The following PLEKHA6 variants were observed in gnomAD, a reference collection of about 807,000 sequenced individuals.
PLEKHA6 encodes pleckstrin homology domain-containing family A member 6.
In PLEKHA6, 60 loss-of-function variants were observed where a neutral mutation model predicts 116.7. That is an observed-to-expected ratio of 0.51 (90% CI 0.42 to 0.64). PLEKHA6 has a LOEUF of 0.64. Among genes scored for constraint, PLEKHA6 ranks in the 30% least tolerant of loss-of-function variants. The pLI is 0.00. For missense variants in PLEKHA6, 1,338 were observed against 1,422.7 expected, an observed-to-expected ratio of 0.94 and a Z score of 0.96; for synonymous variants, 489 against 556.1, an observed-to-expected ratio of 0.88 and a Z score of 1.70.
At chr1:204,334,513 A>G (rs1344905424) in intron 1 of PLEKHA6, among the ~76,000 whole-genome samples, 1 of 152,206 alleles carries the variant, frequency 6.6e-6, no homozygotes, top group Non-Finnish European at 1.5e-5. Flanking sequence ...GGTTTGATAC[A>G]TGTATACATT....
chr1:204,282,934 G>T, intron 1 of PLEKHA6: 1 of 307,402 alleles, frequency 3.3e-6, no homozygotes, highest in Non-Finnish European at 4.8e-6. Context: ...TCGCCTCCAA[G>T]TTGCCTTCTC....
intron 1 of PLEKHA6, among the ~76,000 whole-genome samples, chr1:204,282,422 C>T (rs1412936605): frequency 2.0e-5 from 3 of 152,156 alleles, no homozygotes; most frequent in Non-Finnish European, 2.9e-5. Flanking sequence ...TACTGAAGCT[C>T]TTCCATGTTG....
At chr1:204,329,888 C>CAAAAAAAAAAAAAAAA (rs35574473) in intron 1 of PLEKHA6, among the ~76,000 whole-genome samples, 2 of 118,426 alleles carry the variant, frequency 1.7e-5, no homozygotes, top group African/African-American at 6.4e-5. Flanking sequence ...GACCCTGTCT[C>CAAAAAAAAAAAAAAAA]AAAAAAAAAA....
At chr1:204,350,338 T>TA (rs996417116) in intron 1 of PLEKHA6, among the ~76,000 whole-genome samples, 1 of 151,992 alleles carries the variant, frequency 6.6e-6, no homozygotes, top group African/African-American at 2.4e-5. Flanking sequence ...AAAACAAAAA[T>TA]AAAAAAACCT....
intron 1 of PLEKHA6, among the ~76,000 whole-genome samples, chr1:204,309,386 A>G (rs1671570862): frequency 3.3e-5 from 5 of 152,236 alleles, no homozygotes; most frequent in Admixed American, 1.3e-4. Flanking sequence ...CGTTCTGGTC[A>G]ACGATGGACC....
chr1:204,364,679 G>A (rs1005385580), upstream of PLEKHA6, among the ~76,000 whole-genome samples: 6 of 152,192 alleles, frequency 3.9e-5, no homozygotes, highest in East Asian at 1.9e-4. Flanking sequence ...CTGTGTCTCC[G>A]GACTTTACGA....
intron 1 of PLEKHA6, among the ~76,000 whole-genome samples, chr1:204,279,633 G>A (rs1306262923): frequency 6.6e-6 from 1 of 152,198 alleles, no homozygotes; most frequent in East Asian, 1.9e-4. Context: ...AGGAGATTGT[G>A]CGGTGGAGGT....
At chr1:204,329,871 A>C (rs1672384839) in intron 1 of PLEKHA6, among the ~76,000 whole-genome samples, 7 of 150,410 alleles carry the variant, frequency 4.7e-5, no homozygotes, top group Admixed American at 4.6e-4. Flanking sequence ...CCTGGGTAAC[A>C]AAGTGAGACC....
Position 204,274,817 on chromosome 1 carries a change from G to C in PLEKHA6, c.-94-8C>G, listed in dbSNP as rs1272839322. The C allele has an allele frequency of 1.3e-4, 124 of 985,720 alleles. No individual in the cohort carries two copies. The highest frequency in any genetic ancestry group is 1.4e-4 in the Non-Finnish European group (117 of 829,914). 61.1% of individuals were successfully genotyped at this position (985,720 alleles called of 1,614,324 possible). On this transcript the variant is annotated splice_region_variant and splice_polypyrimidine_tract_variant and intron_variant, in intron 1 of 22. Transcript: ENST00000272203. ...TTCCGTCTTTCATTGTGGCTGTAGAGGGAAAAACAGAAGAGTTGTGGTAAA... is the reference window on the plus strand; with the variant it reads ...TTCCGTCTTTCATTGTGGCTGTAGACGGAAAAACAGAAGAGTTGTGGTAAA...
In PLEKHA6 at chr1:204,327,085, C is replaced by G. The variant is rs1672269679; in HGVS notation, c.-95+32609G>C. 4 of 805,796 alleles carry G rather than the reference C, an allele frequency of 5.0e-6. No homozygotes were observed. The African/African-American group carries it at 7.4e-5, about 15-fold the overall frequency. 49.9% of individuals were successfully genotyped at this position (805,796 alleles called of 1,614,324 possible). A position where few individuals can be genotyped will look rare whatever the true frequency, so the allele number is the denominator to read the frequency against. On this transcript the variant is annotated intron_variant, in intron 1 of 22. Coordinates refer to ENST00000272203, the MANE Select transcript of PLEKHA6 (RefSeq NM_014935.5). ...CTCCTCCTCCTCCTGGGATAGAAAC[C>G]CTGCCACTCTCTGCTCACATGCTTG... is the stretch of plus-strand genomic sequence containing the variant.
At chr1:204,224,691 C>G (rs146892040) in intron 21 of PLEKHA6, among the ~76,000 whole-genome samples, 54 of 152,374 alleles carry the variant, frequency 3.5e-4, no homozygotes, top group Non-Finnish European at 3.8e-4. Context: ...TATCATTACA[C>G]TCATCGCACA....
Position 204,219,122 on chromosome 1 carries a change from T to C in PLEKHA6, c.*3666A>G, listed in dbSNP as rs1013244531. On this transcript the variant is annotated 3_prime_UTR_variant, in exon 23 of 23. Transcript: ENST00000272203. ...CACCCTTCTTCTAAGGCCACTTTTATGCTAAATAAAGACACTGAGATAATA... is the reference window on the plus strand; with the variant it reads ...CACCCTTCTTCTAAGGCCACTTTTACGCTAAATAAAGACACTGAGATAATA... 4.6e-5 allele frequency: 7 copies of C among 152,636 alleles called. No homozygotes were observed. Among genetic ancestry groups the C allele is most frequent in the African/African-American group, 1.7e-4 (7 of 41,448 alleles). 9.5% of individuals were successfully genotyped at this position (152,636 alleles called of 1,614,324 possible).
At chr1:204,243,692 T>C (rs1302860591) in intron 15 of PLEKHA6, among the ~76,000 whole-genome samples, 1 of 152,258 alleles carries the variant, frequency 6.6e-6, no homozygotes, top group Non-Finnish European at 1.5e-5. Flanking sequence ...GTCTGAACCA[T>C]GTGGCTTAAT....
chr1:204,299,667 C>A, intron 1 of PLEKHA6: 1 of 984,212 alleles, frequency 1.0e-6, no homozygotes. Context: ...TGTCTTAGGG[C>A]CTCACAGTTC....
chr1:204,372,310 C>A (rs1311386699), intron 1 of PLEKHA6, among the ~76,000 whole-genome samples: 1 of 152,210 alleles, frequency 6.6e-6, no homozygotes, highest in African/African-American at 2.4e-5. Flanking sequence ...GCAAGGCAGG[C>A]TCCCCAGCAA....
At chr1:204,336,717 T>C (rs768501810) in intron 1 of PLEKHA6, among the ~76,000 whole-genome samples, 1 of 152,196 alleles carries the variant, frequency 6.6e-6, no homozygotes. Context: ...ACAAAAGACA[T>C]ATATTTGCAA....
chr1:204,228,612 C>A lies in PLEKHA6; in HGVS notation c.2885+116G>T. The A allele has an allele frequency of 1.1e-6, 1 of 940,992 alleles. No homozygotes were observed. The highest frequency in any genetic ancestry group is 1.5e-5 in the South Asian group (1 of 65,848). The allele number at this position is 940,992 out of a possible 1,614,324, so 58.3% of individuals were successfully genotyped here. ...GGGCCCTGTCTGCTGCCTGGAGTCA[C>A]CACCTCGATGTGCTCTCCCCTGGGG... On this transcript the variant is annotated intron_variant, in intron 20 of 22. Transcript: ENST00000272203. The surrounding 1 kb of genome is among the most constrained non-coding windows in gnomAD (Gnocchi z 4.0).
chr1:204,346,986 C>T (rs1003487895), intron 1 of PLEKHA6: 5 of 1,275,064 alleles, frequency 3.9e-6, no homozygotes, highest in African/African-American at 1.5e-5. Flanking sequence ...GCTCAATACG[C>T]ACATTAATTC....
chr1:204,272,326 C>T (rs1025651708), intron 3 of PLEKHA6, among the ~76,000 whole-genome samples: 10 of 152,112 alleles, frequency 6.6e-5, no homozygotes, highest in Non-Finnish European at 1.3e-4. Context: ...TCCATAGAAA[C>T]GTGACTTACT....
Sources: gnomAD v4.1 joint callset for allele counts (sites outside exome capture counted in the v4.1 genomes callset) on GRCh38, gnomAD v4.1.1 for gene constraint, Gnocchi (gnomAD v3.1) non-coding constraint, MANE v1.5 for transcripts, NCBI Gene and HGNC (gene_info 2026-07-23, HGNC 2026-07-21) for gene names.